Variants in HPSE2 observed in about 807,000 individuals in gnomAD.
HPSE2 encodes heparanase 2 (inactive).
A neutral mutation model predicts 60.5 loss-of-function variants in HPSE2; 38 were observed. The observed-to-expected ratio is 0.63, with a 90% CI of 0.48 to 0.82. The LOEUF (loss-of-function observed/expected upper bound fraction) is 0.82, where lower values mean the gene tolerates loss of function less well. HPSE2 is among the 40% of genes least tolerant of loss of function. The pLI, the probability that HPSE2 is intolerant of heterozygous loss-of-function variation, is 0.00. For missense variants in HPSE2, 713 were observed against 740.4 expected, an observed-to-expected ratio of 0.96 and a Z score of 0.43; for synonymous variants, 295 against 293.2, an observed-to-expected ratio of 1.01 and a Z score of -0.06.
intron 3 of HPSE2, among the ~76,000 whole-genome samples, chr10:98,794,754 T>A (rs1950735941): frequency 6.6e-6 from 1 of 152,106 alleles, no homozygotes; most frequent in Admixed American, 6.5e-5. Flanking sequence ...GTACAGAGTG[T>A]CACCTTGTTC....
At chr10:98,544,102 C>A (rs1589394900) in intron 9 of HPSE2, among the ~76,000 whole-genome samples, 2 of 151,938 alleles carry the variant, frequency 1.3e-5, no homozygotes, top group South Asian at 2.1e-4. Context: ...TCAGCAAATG[C>A]AAAAGAATAG....
At chr10:98,865,932 T>A (rs919253942) in intron 3 of HPSE2, among the ~76,000 whole-genome samples, 23 of 152,056 alleles carry the variant, frequency 1.5e-4, no homozygotes, top group Non-Finnish European at 1.3e-4. Flanking sequence ...TCCAAATAAC[T>A]TAACTCTCCA....
intron 10 of HPSE2, among the ~76,000 whole-genome samples, chr10:98,486,786 T>C (rs929602570): frequency 2.0e-5 from 3 of 152,114 alleles, no homozygotes; most frequent in Non-Finnish European, 4.4e-5. Flanking sequence ...AATTCAAAGG[T>C]TTTGGGTTCG....
intron 3 of HPSE2, among the ~76,000 whole-genome samples, chr10:98,767,118 A>C (rs1160195097): frequency 1.3e-5 from 2 of 152,190 alleles, no homozygotes; most frequent in African/African-American, 2.4e-5. Flanking sequence ...AATGGCATCT[A>C]CAAAATGTTC....
At chr10:99,245,079 A>C in the HPSE2 span, among the ~76,000 whole-genome samples, 1 of 152,162 alleles carries the variant, frequency 6.6e-6, no homozygotes, top group South Asian at 2.1e-4. Context: ...TAAATTTTAA[A>C]TTCTTCTTTT....
chr10:98,500,233 T>G lies in HPSE2; in HGVS notation c.1321-10037A>C, dbSNP rs544887964. Among the ~76,000 whole-genome samples the G allele has an allele frequency of 3.0e-3, 464 of 152,224 alleles. 4 individuals are homozygous for G. Among genetic ancestry groups the G allele is most frequent in the Non-Finnish European group, 5.4e-3 (369 of 67,996 alleles). ...ACTGCAGAATACACATTCTACTCAATAGTTCATGGAACTTTCTCCAAGATA... is the reference window on the plus strand; with the variant it reads ...ACTGCAGAATACACATTCTACTCAAGAGTTCATGGAACTTTCTCCAAGATA... On this transcript the variant is annotated intron_variant, in intron 9 of 11. Transcript: ENST00000370552.
chr10:99,253,241 G>A, the HPSE2 span, among the ~76,000 whole-genome samples: 37 of 152,226 alleles, frequency 2.4e-4, no homozygotes, highest in African/African-American at 8.4e-4. Flanking sequence ...ATACTAATAA[G>A]GCTATGGCAA....
chr10:99,034,567 T>C (rs993186709), intron 3 of HPSE2, among the ~76,000 whole-genome samples: 4 of 152,130 alleles, frequency 2.6e-5, no homozygotes, highest in African/African-American at 7.2e-5. Context: ...CTGTATTACA[T>C]GATACGTGTA....
intron 9 of HPSE2, among the ~76,000 whole-genome samples, chr10:98,598,154 T>C (rs1945299034): frequency 6.6e-6 from 1 of 152,082 alleles, no homozygotes; most frequent in East Asian, 1.9e-4. Flanking sequence ...ATATGTTACC[T>C]GTTGCCTTAG....
At chr10:98,788,488 C>A (rs1001887101) in intron 3 of HPSE2, among the ~76,000 whole-genome samples, 2,124 of 142,062 alleles carry the variant, frequency 0.015, 49 homozygotes, top group African/African-American at 0.05. Context: ...TCGAGCTTCC[C>A]GGCTGCTTTG....
At position 98,610,945 on chromosome 10, in the gene HPSE2, T is replaced by C. The variant is rs192254799; in HGVS notation, c.1320+3959A>G. Among the ~76,000 whole-genome samples, 26 of 152,340 alleles carry C rather than the reference T, an allele frequency of 1.7e-4. No individual in the cohort carries two copies. In the East Asian group the frequency reaches 5.0e-3, roughly 29 times the overall value. On this transcript the variant is annotated intron_variant, in intron 9 of 11. Transcript: ENST00000370552. The stretch of plus-strand genomic sequence containing the variant: ...GCAAGCTAAATTCCAAAACCCTCTC[T>C]GAGGAGAAATGCCCATGACTGGTGG...
At chr10:98,808,305 G>C (rs138981282) in intron 3 of HPSE2, among the ~76,000 whole-genome samples, 97 of 152,180 alleles carry the variant, frequency 6.4e-4, no homozygotes, top group Non-Finnish European at 1.3e-3. Context: ...CTGTCTTAGA[G>C]ACTCATCCTT....
chr10:98,566,697 A>AGAGCTGGG (rs1395233026), intron 9 of HPSE2, among the ~76,000 whole-genome samples: 5 of 152,180 alleles, frequency 3.3e-5, no homozygotes, highest in Non-Finnish European at 2.9e-5. Context: ...CATGAGCTGG[A>AGAGCTGGG]GAGCTGGGGA....
chr10:99,172,842 C>T (rs538809947), intron 2 of HPSE2, among the ~76,000 whole-genome samples: 2 of 152,106 alleles, frequency 1.3e-5, no homozygotes, highest in South Asian at 4.2e-4. Flanking sequence ...TGCGCCACTG[C>T]ACTCCAGCCT....
intron 9 of HPSE2, among the ~76,000 whole-genome samples, chr10:98,512,327 A>G (rs1312790970): frequency 6.6e-6 from 1 of 152,210 alleles, no homozygotes; most frequent in Non-Finnish European, 1.5e-5. Flanking sequence ...CACGCCTGTA[A>G]TCCCAGCACT....
At chr10:98,861,278 C>T (rs1360839363) in intron 3 of HPSE2, among the ~76,000 whole-genome samples, 3 of 152,114 alleles carry the variant, frequency 2.0e-5, no homozygotes, top group African/African-American at 7.2e-5. Flanking sequence ...ACAGAAGCCC[C>T]CAACATTCAT....
chr10:98,888,173 CAT>C (rs1457185557), intron 3 of HPSE2, among the ~76,000 whole-genome samples: 10 of 142,884 alleles, frequency 7.0e-5, no homozygotes, highest in South Asian at 2.3e-4. Context: ...CACACACACA[CAT>C]GCATGATAAG....
At chr10:99,108,685 T>G (rs1419392314) in intron 3 of HPSE2, among the ~76,000 whole-genome samples, 1 of 152,160 alleles carries the variant, frequency 6.6e-6, no homozygotes, top group Non-Finnish European at 1.5e-5. Flanking sequence ...AAGTCCCTCC[T>G]AGGTTTATAC....
chr10:98,699,776 T>A (rs903483309), intron 5 of HPSE2, among the ~76,000 whole-genome samples: 1 of 128,184 alleles, frequency 7.8e-6, no homozygotes, highest in African/African-American at 2.7e-5. Flanking sequence ...CTTAAGCTGA[T>A]AAGCAACTTC....
Sources: gnomAD v4.1 joint callset for allele counts (sites outside exome capture counted in the v4.1 genomes callset) on GRCh38, gnomAD v4.1.1 for gene constraint, MANE v1.5 for transcripts, NCBI Gene and HGNC (gene_info 2026-07-23, HGNC 2026-07-21) for gene names.